Variants in ANKRD17 observed in about 807,000 individuals in gnomAD.
ANKRD17 encodes the protein ankyrin repeat domain-containing protein 17.
Under a neutral mutation model 229.7 loss-of-function variants are expected in ANKRD17, and 19 were observed. That is an observed-to-expected ratio of 0.08 (90% CI 0.06 to 0.12). The LOEUF (loss-of-function observed/expected upper bound fraction) is 0.12. Among genes scored for constraint, ANKRD17 ranks in the 10% least tolerant of loss-of-function variants. The pLI is 1.00. For missense variants in ANKRD17, 2,176 were observed against 3,176.8 expected (o/e 0.68, Z 7.57); for synonymous variants, 1,112 against 1,146.1 (o/e 0.97, Z 0.60).
At chr4:73,092,926 G>A (rs988238293) in intron 28 of ANKRD17, among the ~76,000 whole-genome samples, 2 of 152,102 alleles carry the variant, frequency 1.3e-5, no homozygotes, top group East Asian at 3.8e-4. Context: ...TAAAACCTTA[G>A]TGCTGGATCT....
intron 2 of ANKRD17, among the ~76,000 whole-genome samples, chr4:73,165,253 A>G (rs1158104429): frequency 2.0e-5 from 3 of 152,188 alleles, no homozygotes; most frequent in Non-Finnish European, 4.4e-5. Context: ...GGTTAGAAAA[A>G]AGGGAGACCA....
intron 1 of ANKRD17, among the ~76,000 whole-genome samples, chr4:73,202,318 TAAAAAAAAAA>T (rs10533861): frequency 4.6e-5 from 1 of 21,902 alleles, no homozygotes; most frequent in East Asian, 1.7e-3. Flanking sequence ...GGAACAGGAT[TAAAAAAAAAA>T]AAAAAAAAAA....
intron 1 of ANKRD17, among the ~76,000 whole-genome samples, chr4:73,178,564 AGTT>A (rs1225933668): frequency 6.6e-6 from 1 of 152,116 alleles, no homozygotes. Context: ...CGGGTCCATA[AGTT>A]TTACCCACCA....
intron 2 of ANKRD17, among the ~76,000 whole-genome samples, chr4:73,164,450 A>G (rs1332210436): frequency 6.6e-6 from 1 of 152,208 alleles, no homozygotes; most frequent in Non-Finnish European, 1.5e-5. Context: ...ACCCTGAATT[A>G]TGGTGATTCT....
chr4:73,243,508 A>C (rs1165680886), intron 1 of ANKRD17, among the ~76,000 whole-genome samples: 1 of 152,166 alleles, frequency 6.6e-6, no homozygotes, highest in African/African-American at 2.4e-5. Context: ...CCTAGTCCTA[A>C]ACAAAGCATC....
At chr4:73,162,974 T>G (rs1462493511) in intron 2 of ANKRD17, among the ~76,000 whole-genome samples, 1 of 151,980 alleles carries the variant, frequency 6.6e-6, no homozygotes, top group African/African-American at 2.4e-5. Flanking sequence ...ATCCCCCACT[T>G]TGGCCTCTTA....
At chr4:73,151,023 T>G (rs1730937535) in intron 7 of ANKRD17, among the ~76,000 whole-genome samples, 1 of 152,194 alleles carries the variant, frequency 6.6e-6, no homozygotes, top group Non-Finnish European at 1.5e-5. Context: ...CCTTTTTTCT[T>G]TTTTTAACAT....
chr4:73,084,498 G>T (rs1188893380), intron 30 of ANKRD17, among the ~76,000 whole-genome samples: 1 of 149,556 alleles, frequency 6.7e-6, no homozygotes, highest in Non-Finnish European at 1.5e-5. Context: ...GCCCAGGCTG[G>T]AGTGCAGTGG....
intron 29 of ANKRD17, 115 bp downstream of exon 29, chr4:73,090,552 T>C: frequency 7.5e-7 from 1 of 1,337,876 alleles, no homozygotes; most frequent in Non-Finnish European, 1.0e-6. Context: ...GTTAACTAAA[T>C]CCAACAATCT....
In ANKRD17 at chr4:73,091,457, T is replaced by C; in HGVS notation, c.6171A>G (p.Arg2057=). ...SPPAQPGGVS[R]NSPLDCGSAS... ...CTGATCCACAATCCAAAGGGCTGTT[T>C]CTAGAAACCCCTCCTGGCTGGGCTG... Residue 2057 remains arginine, a synonymous_variant, in exon 29 of 34, where the codon AGA becomes AGG. Coordinates refer to ENST00000358602, the MANE Select transcript of ANKRD17 (RefSeq NM_032217.5). 6.2e-7 allele frequency: 1 copy of C among 1,614,130 alleles called. No individual in the cohort carries two copies. Among genetic ancestry groups the C allele is most frequent in the Non-Finnish European group, 8.5e-7 (1 of 1,180,002 alleles).
intron 1 of ANKRD17, among the ~76,000 whole-genome samples, chr4:73,216,420 G>A (rs1741049100): frequency 6.6e-6 from 1 of 152,000 alleles, no homozygotes; most frequent in Non-Finnish European, 1.5e-5. Flanking sequence ...AGAGACCTAA[G>A]ACCAAAAGAA....
intron 1 of ANKRD17, among the ~76,000 whole-genome samples, chr4:73,183,973 A>T (rs1169824620): frequency 6.6e-6 from 1 of 152,204 alleles, no homozygotes; most frequent in African/African-American, 2.4e-5. Context: ...CTTAATACAA[A>T]TATTTAATAA....
At chr4:73,096,966 T>G in intron 27 of ANKRD17, 151 bp downstream of exon 27, 1 of 847,260 alleles carries the variant, frequency 1.2e-6, no homozygotes, top group Non-Finnish European at 1.8e-6. Context: ...ATCTAAAATA[T>G]GGCACAGGCT....
chr4:73,241,288 C>G (rs1358058748), intron 1 of ANKRD17, among the ~76,000 whole-genome samples: 1 of 151,830 alleles, frequency 6.6e-6, no homozygotes, highest in Non-Finnish European at 1.5e-5. Flanking sequence ...CTCAATGAAC[C>G]CATATAAATT....
chr4:73,079,431 T>C (rs997851116), intron 30 of ANKRD17, among the ~76,000 whole-genome samples: 1 of 152,194 alleles, frequency 6.6e-6, no homozygotes, highest in Admixed American at 6.5e-5. Context: ...CTTGCTCCAT[T>C]GTCCAGGCTA....
intron 10 of ANKRD17, among the ~76,000 whole-genome samples, chr4:73,145,943 G>A (rs1730229351): frequency 6.6e-6 from 1 of 152,154 alleles, no homozygotes; most frequent in African/African-American, 2.4e-5. Context: ...CATAAACTGT[G>A]AAGGAAAGAG....
rs540568077 is a variant in ANKRD17, at chr4:73,085,172, T to C, written c.7159+77A>G. 3.5e-6 allele frequency: 5 copies of C among 1,444,938 alleles called. No homozygotes were observed. In the Admixed American group the frequency reaches 9.9e-5, roughly 29 times the overall value. The allele number at this position is 1,444,938 out of a possible 1,614,324, so 89.5% of individuals were successfully genotyped here. A position where few individuals can be genotyped will look rare whatever the true frequency, so the allele number is the denominator to read the frequency against. On this transcript the variant is annotated intron_variant, in intron 30 of 33. Transcript: ENST00000358602. Reference sequence around the variant, plus strand: ...AATTACCTTTTTATGGTATTAAAATTATGATGAGGTTTGAAACCTGCTGTT... The same window carrying C: ...AATTACCTTTTTATGGTATTAAAATCATGATGAGGTTTGAAACCTGCTGTT...
chr4:73,184,470 T>C (rs1481983407), intron 1 of ANKRD17, among the ~76,000 whole-genome samples: 5 of 139,644 alleles, frequency 3.6e-5, no homozygotes, highest in Admixed American at 8.0e-5. Context: ...CAGAGGTTGC[T>C]GTGAGCCAAG....
intron 1 of ANKRD17, chr4:73,223,085 A>T: frequency 1.3e-6 from 2 of 1,521,952 alleles, no homozygotes; most frequent in Non-Finnish European, 1.8e-6. Flanking sequence ...GCCAGCAGGA[A>T]CACTCCTCTG....
Sources: allele counts gnomAD v4.1 joint callset (sites outside exome capture counted in the v4.1 genomes callset), GRCh38; gene constraint gnomAD v4.1.1; transcripts MANE v1.5; gene names NCBI Gene and HGNC (gene_info 2026-07-23, HGNC 2026-07-21).